Variants in CHN2 observed in about 807,000 individuals in gnomAD.
CHN2 encodes chimerin 2, also known as beta-chimaerin.
In CHN2, 35 loss-of-function variants were observed where a neutral mutation model predicts 56.3. The ratio of observed to expected loss-of-function variants is 0.62; its 90% CI spans 0.47 to 0.82. The LOEUF is 0.82. Among genes scored for constraint, CHN2 ranks in the 40% least tolerant of loss-of-function variants. CHN2 has a pLI of 0.00. For missense variants in CHN2, 491 were observed against 580.5 expected (o/e 0.85, Z 1.58); for synonymous variants, 210 against 212.8 (o/e 0.99, Z 0.12).
intron 6 of CHN2, among the ~76,000 whole-genome samples, chr7:29,406,439 G>T (rs1802655624): frequency 6.6e-6 from 1 of 152,164 alleles, no homozygotes. Flanking sequence ...ATTCTCCCCA[G>T]TTCCAGGCCA....
chr7:29,503,293 G>A (rs1790180692), intron 9 of CHN2, among the ~76,000 whole-genome samples: 1 of 152,218 alleles, frequency 6.6e-6, no homozygotes, highest in African/African-American at 2.4e-5. Context: ...GTGAGAGAAG[G>A]TGGCCATCTA....
At chr7:29,402,196 G>A (rs897348627) in intron 6 of CHN2, among the ~76,000 whole-genome samples, 3 of 152,154 alleles carry the variant, frequency 2.0e-5, no homozygotes, top group African/African-American at 4.8e-5. Flanking sequence ...GGGTGGCACC[G>A]TGGTCCCGTT....
At position 29,412,320 on chromosome 7, in the gene CHN2, C is replaced by CTTTTTTT. The variant is rs1158746299; in HGVS notation, c.576+11514_576+11520dup. On this transcript the variant is annotated intron_variant, in intron 6 of 12. Transcript: ENST00000222792. ...AGATTAAGGCGCTCTGCTAAAGAGT[C>CTTTTTTT]TTTTTTTTTTTTTTTTTTTTTTTTT... is the stretch of plus-strand genomic sequence containing the variant. 2.1e-3 allele frequency among the ~76,000 whole-genome samples: 143 copies of CTTTTTTT among 69,498 alleles called. 28 individuals are homozygous for CTTTTTTT. The highest frequency in any genetic ancestry group is 7.9e-3 in the African/African-American group (128 of 16,102). 45.6% of individuals were successfully genotyped at this position (69,498 alleles called of 152,430 possible).
At chr7:29,445,126 AAGTT>A in intron 6 of CHN2, 1 of 456,010 alleles carries the variant, frequency 2.2e-6, no homozygotes, top group Non-Finnish European at 4.4e-6. Flanking sequence ...CTGGAACAGA[AAGTT>A]AGTGTCAATT....
chr7:29,386,857 A>T (rs1442025371), intron 3 of CHN2, among the ~76,000 whole-genome samples: 8 of 152,262 alleles, frequency 5.3e-5, no homozygotes, highest in African/African-American at 1.7e-4. Context: ...AATTCAGTTC[A>T]TTCAAGAGAG....
At chr7:29,296,189 T>A (rs376926119) in intron 1 of CHN2, among the ~76,000 whole-genome samples, 39 of 151,992 alleles carry the variant, frequency 2.6e-4, no homozygotes, top group African/African-American at 9.2e-4. Flanking sequence ...GTTCAAGAAA[T>A]TCTCCTGCCT....
At chr7:29,373,499 G>A (rs1051137052) in intron 3 of CHN2, among the ~76,000 whole-genome samples, 1 of 152,158 alleles carries the variant, frequency 6.6e-6, no homozygotes, top group African/African-American at 2.4e-5. Context: ...TTAAGTTGGA[G>A]TAGTATCTCA....
intron 6 of CHN2, among the ~76,000 whole-genome samples, chr7:29,476,163 C>T (rs1003742223): frequency 1.3e-5 from 2 of 152,166 alleles, no homozygotes; most frequent in Admixed American, 6.5e-5. Context: ...AAACTCTCAG[C>T]TTCCATTTCC....
At chr7:29,468,585 C>T (rs892847969) in intron 6 of CHN2, among the ~76,000 whole-genome samples, 7 of 151,638 alleles carry the variant, frequency 4.6e-5, no homozygotes, top group African/African-American at 1.7e-4. Flanking sequence ...CCACCTGTTC[C>T]TACTCTTTTT....
chr7:29,405,745 C>G (rs1802598235), intron 6 of CHN2, among the ~76,000 whole-genome samples: 1 of 152,164 alleles, frequency 6.6e-6, no homozygotes, highest in African/African-American at 2.4e-5. Flanking sequence ...TCTTGTCTCC[C>G]ACTCAGCGTT....
chr7:29,154,091 C>T (rs1200473364), intron 2 of CHN2, among the ~76,000 whole-genome samples: 1 of 152,122 alleles, frequency 6.6e-6, no homozygotes, highest in Non-Finnish European at 1.5e-5. Context: ...CTGCATTTCT[C>T]GAGAGTCAAC....
chr7:29,273,365 A>ATATATGTG lies in CHN2; in HGVS notation c.49+78380_49+78381insGTGTATAT, dbSNP rs1554387259. 7.6e-3 allele frequency among the ~76,000 whole-genome samples: 398 copies of ATATATGTG among 52,122 alleles called. 16 individuals carry two copies. Among genetic ancestry groups the ATATATGTG allele is most frequent in the East Asian group, 0.01 (2 of 194 alleles). The allele number at this position is 52,122 out of a possible 152,430, so 34.2% of individuals were successfully genotyped here. ...TGTGTATATATATATATATATATAT[A>ATATATGTG]TATATATATATATATATATATATAC... On this transcript the variant is annotated intron_variant, in intron 1 of 12. Coordinates refer to ENST00000222792, the MANE Select transcript of CHN2 (RefSeq NM_004067.4).
Position 29,482,797 on chromosome 7 carries a change from C to CTTTTTTTTTTTTTTTTTTTTTTTTTTT in CHN2, c.654+2457_654+2483dup, listed in dbSNP as rs375120538. On this transcript the variant is annotated intron_variant, in intron 7 of 12. Transcript: ENST00000222792. ...TGCTAGGTGCTGTCTGCACTTTTTT[C>CTTTTTTTTTTTTTTTTTTTTTTTTTTT]TTTTTTTTTTTTTTTTTTTTTTTTT... 3.1e-5 allele frequency among the ~76,000 whole-genome samples: 2 copies of CTTTTTTTTTTTTTTTTTTTTTTTTTTT among 64,206 alleles called. 1 individual carries two copies. Among genetic ancestry groups the CTTTTTTTTTTTTTTTTTTTTTTTTTTT allele is most frequent in the Non-Finnish European group, 5.8e-5 (2 of 34,260 alleles). The allele number at this position is 64,206 out of a possible 152,430, so 42.1% of individuals were successfully genotyped here.
Position 29,253,657 on chromosome 7 carries a change from C to T in CHN2, c.49+58667C>T, listed in dbSNP as rs181583024. On this transcript the variant is annotated intron_variant, in intron 1 of 12. Coordinates refer to ENST00000222792, the MANE Select transcript of CHN2 (RefSeq NM_004067.4). ...AAAGATGAACTTAATAGATTTCCTA[C>T]CCTCAAAGCATTGACAGTTTATATT... Among the ~76,000 whole-genome samples, 914 of 152,264 alleles carry T rather than the reference C, an allele frequency of 6.0e-3. 4 individuals are homozygous for T. The highest frequency in any genetic ancestry group is 0.021 in the African/African-American group (870 of 41,554).
At chr7:29,331,641 G>C (rs777739598) in intron 1 of CHN2, among the ~76,000 whole-genome samples, 1 of 152,200 alleles carries the variant, frequency 6.6e-6, no homozygotes, top group Non-Finnish European at 1.5e-5. Context: ...ACTACCCCTT[G>C]TCGGAGAATC....
chr7:29,197,980 A>G (rs767886577), intron 1 of CHN2: 2 of 456,294 alleles, frequency 4.4e-6, no homozygotes, highest in South Asian at 3.1e-5. Context: ...AGGCCTGGAG[A>G]TGGGTAAGTT....
At chr7:29,226,428 TAAAC>T (rs963405553) in intron 1 of CHN2, among the ~76,000 whole-genome samples, 44 of 152,192 alleles carry the variant, frequency 2.9e-4, no homozygotes, top group African/African-American at 1.0e-3. Flanking sequence ...AATAGAAAAA[TAAAC>T]AATATTTCCT....
intron 2 of CHN2, among the ~76,000 whole-genome samples, chr7:29,164,028 A>G (rs778451847): frequency 2.2e-4 from 34 of 152,188 alleles, no homozygotes; most frequent in Non-Finnish European, 3.8e-4. Flanking sequence ...CTCTTGGGTA[A>G]ATACCTAGGT....
chr7:29,361,150 C>T (rs985905550), intron 2 of CHN2, among the ~76,000 whole-genome samples: 3 of 152,212 alleles, frequency 2.0e-5, no homozygotes, highest in Non-Finnish European at 4.4e-5. Context: ...AATTGACATA[C>T]ATTATTGCAT....
Sources: allele counts gnomAD v4.1 joint callset (sites outside exome capture counted in the v4.1 genomes callset), GRCh38; gene constraint gnomAD v4.1.1; transcripts MANE v1.5; gene names NCBI Gene and HGNC (gene_info 2026-07-23, HGNC 2026-07-21).